MGAT4C: variants seen among roughly 807,000 people sequenced by gnomAD.
The protein encoded by MGAT4C is alpha-1,3-mannosyl-glycoprotein 4-beta-N-acetylglucosaminyltransferase C.
MGAT4C carries 19 observed loss-of-function variants against 40.1 expected under a neutral mutation model. The ratio of observed to expected loss-of-function variants is 0.47; its 90% CI spans 0.33 to 0.70. MGAT4C has a LOEUF of 0.70. Ranked by LOEUF, MGAT4C falls within the 30% of genes least tolerant of loss-of-function variation. The pLI is 0.02. For missense variants in MGAT4C, 491 were observed against 563.2 expected, an observed-to-expected ratio of 0.87 and a Z score of 1.30; for synonymous variants, 181 against 187.1, an observed-to-expected ratio of 0.97 and a Z score of 0.27.
upstream of MGAT4C, among the ~76,000 whole-genome samples, chr12:86,258,303 C>G (rs1472414583): frequency 1.4e-5 from 2 of 142,686 alleles, no homozygotes; most frequent in African/African-American, 6.1e-5. Flanking sequence ...ATCTATCTAT[C>G]TATCTATCTA....
At chr12:86,764,978 C>T (rs996953173) in intron 1 of MGAT4C, among the ~76,000 whole-genome samples, 18 of 151,784 alleles carry the variant, frequency 1.2e-4, no homozygotes, top group Admixed American at 6.6e-4. Flanking sequence ...TCCAAAGGAA[C>T]GCAGTTCCTC....
chr12:86,123,323 T>C (rs1238695052), intron 1 of MGAT4C, among the ~76,000 whole-genome samples: 2 of 152,124 alleles, frequency 1.3e-5, no homozygotes, highest in South Asian at 2.1e-4. Context: ...AGTATATGAT[T>C]ACTGTTATTA....
intron 1 of MGAT4C, among the ~76,000 whole-genome samples, chr12:86,734,699 C>G (rs1950958767): frequency 6.6e-6 from 1 of 152,006 alleles, no homozygotes; most frequent in Admixed American, 6.6e-5. Context: ...CACCGCAAAC[C>G]AGATCTGTCA....
intron 2 of MGAT4C, among the ~76,000 whole-genome samples, chr12:86,580,195 A>G (rs1166027903): frequency 6.6e-6 from 1 of 151,390 alleles, no homozygotes; most frequent in Non-Finnish European, 1.5e-5. Flanking sequence ...TGTAATTTCT[A>G]TTAATCAGTG....
At chr12:86,321,405 A>G (rs1954383060) in intron 4 of MGAT4C, among the ~76,000 whole-genome samples, 1 of 152,156 alleles carries the variant, frequency 6.6e-6, no homozygotes, top group South Asian at 2.1e-4. Context: ...AAGATATCAG[A>G]AACTTCTTTT....
intron 1 of MGAT4C, among the ~76,000 whole-genome samples, chr12:86,202,110 C>T (rs865978265): frequency 2.0e-5 from 3 of 152,044 alleles, no homozygotes; most frequent in African/African-American, 4.8e-5. Flanking sequence ...TTTTCAGTCA[C>T]GATTTTGCTG....
At chr12:86,035,382 T>C (rs1294389706) in intron 2 of MGAT4C, among the ~76,000 whole-genome samples, 3 of 150,334 alleles carry the variant, frequency 2.0e-5, no homozygotes, top group Non-Finnish European at 1.5e-5. Context: ...TGTCTTCTTT[T>C]GAGAAGTGTC....
intron 1 of MGAT4C, among the ~76,000 whole-genome samples, chr12:86,110,492 T>A (rs1463080598): frequency 2.0e-5 from 3 of 149,466 alleles, no homozygotes; most frequent in Non-Finnish European, 3.0e-5. Flanking sequence ...ACATTTATAT[T>A]TGAATGAAAA....
chr12:86,301,962 T>C (rs547265383), intron 4 of MGAT4C, among the ~76,000 whole-genome samples: 2 of 151,434 alleles, frequency 1.3e-5, no homozygotes, highest in Non-Finnish European at 2.9e-5. Context: ...TCAACTCCTG[T>C]GACTTCCTAA....
At chr12:86,111,980 C>A (rs908668364) in intron 1 of MGAT4C, among the ~76,000 whole-genome samples, 2 of 151,548 alleles carry the variant, frequency 1.3e-5, no homozygotes, top group African/African-American at 4.8e-5. Context: ...GCATAAAATG[C>A]CAAATATGTA....
intron 1 of MGAT4C, among the ~76,000 whole-genome samples, chr12:86,114,807 T>G (rs918795651): frequency 3.3e-5 from 5 of 151,958 alleles, no homozygotes; most frequent in African/African-American, 4.8e-5. Context: ...CCTTCATCTT[T>G]CCTTTTTTTT....
intron 1 of MGAT4C, among the ~76,000 whole-genome samples, chr12:86,082,908 A>T (rs948659662): frequency 6.6e-6 from 1 of 152,016 alleles, no homozygotes; most frequent in Non-Finnish European, 1.5e-5. Flanking sequence ...GTGCCAATGG[A>T]AAATGACATG....
At chr12:86,330,932 A>T (rs1954650685) in intron 4 of MGAT4C, among the ~76,000 whole-genome samples, 1 of 152,210 alleles carries the variant, frequency 6.6e-6, no homozygotes, top group African/African-American at 2.4e-5. Flanking sequence ...GGGAGCTATC[A>T]TATAGCAATT....
rs3047013 is a variant in MGAT4C, at chr12:86,326,296, TCACACACA to T, written c.-57+7761_-57+7768del. Among the ~76,000 whole-genome samples the T allele has an allele frequency of 2.2e-3, 304 of 140,836 alleles. 3 individuals carry two copies. Among genetic ancestry groups the T allele is most frequent in the East Asian group, 0.011 (55 of 4,814 alleles). 92.4% of individuals were successfully genotyped at this position (140,836 alleles called of 152,430 possible). A position where few individuals can be genotyped will look rare whatever the true frequency, so the allele number is the denominator to read the frequency against. On this transcript the variant is annotated intron_variant, in intron 4 of 7. Coordinates refer to the MGAT4C transcript ENST00000548651. Reference sequence around the variant, plus strand: ...AGAGGGTAGATCTGCAGTATTCTCATCACACACACACACACACACACACACACACACAC... The same window carrying T: ...AGAGGGTAGATCTGCAGTATTCTCATCACACACACACACACACACACACAC...
At chr12:86,566,568 A>G (rs1451358607) in intron 2 of MGAT4C, among the ~76,000 whole-genome samples, 9 of 116,108 alleles carry the variant, frequency 7.8e-5, no homozygotes, top group Non-Finnish European at 5.2e-5. Flanking sequence ...ATATATATAT[A>G]TATATATGTA....
At chr12:86,524,155 G>A (rs556817480) in intron 2 of MGAT4C, among the ~76,000 whole-genome samples, 18 of 152,176 alleles carry the variant, frequency 1.2e-4, no homozygotes, top group South Asian at 6.2e-4. Flanking sequence ...TGATTCTGCC[G>A]ACTTGTTTAT....
chr12:86,138,123 C>T (rs1177869532), intron 1 of MGAT4C, among the ~76,000 whole-genome samples: 1 of 151,944 alleles, frequency 6.6e-6, no homozygotes, highest in Non-Finnish European at 1.5e-5. Context: ...TTAAATACTC[C>T]ACTCTATCCT....
At chr12:86,509,753 G>C (rs1308893296) in intron 2 of MGAT4C, among the ~76,000 whole-genome samples, 2 of 152,064 alleles carry the variant, frequency 1.3e-5, no homozygotes, top group East Asian at 3.9e-4. Flanking sequence ...GTGGTTTGTA[G>C]TTCTCCTTGA....
chr12:86,774,354 C>T (rs10858476), intron 1 of MGAT4C, among the ~76,000 whole-genome samples: 62,144 of 78,810 alleles, frequency 0.79, 24,599 homozygotes, highest in South Asian at 0.86. Flanking sequence ...TCTCTCTCTC[C>T]CCTCTCTCTC....
Sources: allele counts gnomAD v4.1 joint callset (sites outside exome capture counted in the v4.1 genomes callset), GRCh38; gene constraint gnomAD v4.1.1; transcripts MANE v1.5; gene names NCBI Gene and HGNC (gene_info 2026-07-23, HGNC 2026-07-21).